PARN: variants seen among roughly 807,000 people sequenced by gnomAD.
PARN encodes poly(A)-specific ribonuclease.
A neutral mutation model predicts 102.8 loss-of-function variants in PARN; 71 were observed. The ratio of observed to expected loss-of-function variants is 0.69; its 90% CI spans 0.57 to 0.84. The LOEUF (loss-of-function observed/expected upper bound fraction) is 0.84. PARN is among the 40% of genes least tolerant of loss of function. The pLI is 0.00. For synonymous variants in PARN, 261 were observed against 252.9 expected (o/e 1.03, Z -0.30); for missense variants, 782 against 760.9 (o/e 1.03, Z -0.33).
intron 18 of PARN, among the ~76,000 whole-genome samples, chr16:14,567,804 C>G (rs1431689088): frequency 1.3e-5 from 2 of 152,228 alleles, no homozygotes. Flanking sequence ...ATCACACAGC[C>G]TCACCAGCGT....
Position 14,626,445 on chromosome 16 carries a change from A to G in PARN, c.327+661T>C, listed in dbSNP as rs144547969. Among the ~76,000 whole-genome samples, 19 of 152,310 alleles carry G rather than the reference A, an allele frequency of 1.2e-4. 1 individual carries two copies. In the East Asian group the frequency reaches 3.7e-3, roughly 29 times the overall value. The stretch of plus-strand genomic sequence containing the variant: ...ATTACAGGTGTAAACCACCACATCC[A>G]GCCAAGAAGCCTGCAAGTCTTGATG... On this transcript the variant is annotated intron_variant, in intron 5 of 23. Transcript: ENST00000437198.
At chr16:14,574,272 G>A (rs1285238634) in intron 18 of PARN, among the ~76,000 whole-genome samples, 1 of 152,134 alleles carries the variant, frequency 6.6e-6, no homozygotes, top group East Asian at 1.9e-4. Context: ...CTTTGAGCTT[G>A]AGAGAAATAA....
intron 5 of PARN, among the ~76,000 whole-genome samples, chr16:14,623,157 A>G (rs1201261233): frequency 6.6e-6 from 1 of 151,886 alleles, no homozygotes; most frequent in East Asian, 1.9e-4. Context: ...ATATGTATAC[A>G]TGTACATAAA....
chr16:14,537,233 G>C (rs117659366), intron 21 of PARN, among the ~76,000 whole-genome samples: 204 of 152,184 alleles, frequency 1.3e-3, no homozygotes, highest in Non-Finnish European at 2.4e-3. Context: ...CAAAACAACA[G>C]TAAGATACCA....
At chr16:14,575,777 G>A (rs752892367) in intron 18 of PARN, among the ~76,000 whole-genome samples, 3 of 152,112 alleles carry the variant, frequency 2.0e-5, no homozygotes, top group Non-Finnish European at 2.9e-5. Flanking sequence ...AGGGGCCAAG[G>A]GTGGAATTAT....
Position 14,629,600 on chromosome 16 carries a change from AAAACTCCCCATCGATGGCG to A in PARN, c.75_93del (p.Ala26GlnfsTer12). 6.2e-7 allele frequency: 1 copy of A among 1,610,688 alleles called. No individual in the cohort carries two copies. The highest frequency in any genetic ancestry group is 8.5e-7 in the Non-Finnish European group (1 of 1,176,834). Reference sequence around the variant, plus strand: ...TGAGCTTGCAAGGGAGGGATACCTGAAAACTCCCCATCGATGGCGAAGAAGTCGGCCTCCTCTATGGCCT... The same window carrying A: ...TGAGCTTGCAAGGGAGGGATACCTGAAAGAAGTCGGCCTCCTCTATGGCCT... On this transcript the variant is annotated frameshift_variant, in exon 2 of 24. Coordinates refer to ENST00000437198, the MANE Select transcript of PARN (RefSeq NM_002582.4). LOFTEE classifies it high-confidence loss of function.
chr16:14,593,223 G>T, intron 13 of PARN, 78 bp downstream of exon 13: 1 of 817,582 alleles, frequency 1.2e-6, no homozygotes, highest in Non-Finnish European at 2.1e-6. Flanking sequence ...GGACAGTTCA[G>T]TTAAAAGCAT....
intron 21 of PARN, among the ~76,000 whole-genome samples, chr16:14,538,399 T>C (rs1309515908): frequency 6.6e-6 from 1 of 151,788 alleles, no homozygotes; most frequent in Non-Finnish European, 1.5e-5. Context: ...TTTGTACTGT[T>C]AGTAGAGACA....
In PARN at chr16:14,555,716, G is replaced by T; in HGVS notation, c.1263-7C>A. The T allele has an allele frequency of 6.9e-7, 1 of 1,447,668 alleles. No homozygotes were observed. Among genetic ancestry groups the T allele is most frequent in the Non-Finnish European group, 9.4e-7 (1 of 1,065,030 alleles). The allele number at this position is 1,447,668 out of a possible 1,614,324, so 89.7% of individuals were successfully genotyped here. On this transcript the variant is annotated splice_region_variant and splice_polypyrimidine_tract_variant and intron_variant, in intron 18 of 23. Coordinates refer to ENST00000437198, the MANE Select transcript of PARN (RefSeq NM_002582.4). ...GACCCTCATAAGAAATAACCTACAA[G>T]AAGAAAAGACAAACAAGTAATGGGC...
At chr16:14,574,722 G>C (rs1969011790) in intron 18 of PARN, among the ~76,000 whole-genome samples, 1 of 152,002 alleles carries the variant, frequency 6.6e-6, no homozygotes, top group South Asian at 2.1e-4. Flanking sequence ...CAAAAAAAAA[G>C]AAAAGAAAAT....
chr16:14,624,986 C>A (rs557172702), intron 5 of PARN, among the ~76,000 whole-genome samples: 1 of 151,898 alleles, frequency 6.6e-6, no homozygotes, highest in African/African-American at 2.4e-5. Flanking sequence ...GGGCTTTAGC[C>A]TGGGCAACAA....
intron 23 of PARN, among the ~76,000 whole-genome samples, chr16:14,443,620 T>G (rs1158572249): frequency 2.6e-5 from 4 of 152,260 alleles, no homozygotes; most frequent in Non-Finnish European, 4.4e-5. Flanking sequence ...ATTATAGGCA[T>G]GAGCCACTGT....
chr16:14,528,142 T>A (rs564016117), intron 21 of PARN, among the ~76,000 whole-genome samples: 1 of 152,234 alleles, frequency 6.6e-6, no homozygotes, highest in South Asian at 2.1e-4. Flanking sequence ...AATAAATCCA[T>A]AGCCCTAATG....
At chr16:14,457,380 A>G (rs1341795682) in intron 22 of PARN, among the ~76,000 whole-genome samples, 2 of 152,106 alleles carry the variant, frequency 1.3e-5, no homozygotes, top group Admixed American at 1.3e-4. Flanking sequence ...CATGAGCATG[A>G]CTGTTTCTGT....
intron 6 of PARN, among the ~76,000 whole-genome samples, chr16:14,614,835 C>T (rs1430059134): frequency 3.7e-5 from 3 of 81,022 alleles, no homozygotes; most frequent in South Asian, 4.5e-4. Flanking sequence ...GAAAGAAGAG[C>T]GAAACTGTCT....
intron 13 of PARN, among the ~76,000 whole-genome samples, chr16:14,588,168 G>A (rs1015700680): frequency 2.2e-4 from 34 of 152,226 alleles, no homozygotes; most frequent in African/African-American, 8.0e-4. Flanking sequence ...AAAGTTAAGG[G>A]AAAGCTGTGA....
chr16:14,575,980 C>G (rs928303678), intron 18 of PARN: 2 of 153,916 alleles, frequency 1.3e-5, no homozygotes, highest in African/African-American at 4.8e-5. Context: ...CACAAGCTCT[C>G]TTCTCATCTG....
chr16:14,485,559 C>T (rs1963625985), intron 21 of PARN, among the ~76,000 whole-genome samples: 1 of 152,146 alleles, frequency 6.6e-6, no homozygotes, highest in Admixed American at 6.5e-5. Flanking sequence ...GTTCATCTAT[C>T]AATGTGGACA....
intron 15 of PARN, 113 bp from the exon 16 acceptor site, chr16:14,584,535 T>C (rs2039605492): frequency 4.5e-6 from 4 of 879,586 alleles, no homozygotes; most frequent in African/African-American, 1.7e-5. Context: ...TCTCCTTGTG[T>C]TCTTTAAAGA....
Sources: allele counts gnomAD v4.1 joint callset (sites outside exome capture counted in the v4.1 genomes callset), GRCh38; gene constraint gnomAD v4.1.1; transcripts MANE v1.5; gene names NCBI Gene and HGNC (gene_info 2026-07-23, HGNC 2026-07-21).